The following POLK variants were observed in gnomAD, a reference collection of about 807,000 sequenced individuals.
The protein encoded by POLK is polymerase (DNA directed) kappa.
A neutral mutation model predicts 94.0 loss-of-function variants in POLK; 76 were observed. The ratio of observed to expected loss-of-function variants is 0.81; its 90% CI spans 0.67 to 0.98. POLK has a LOEUF of 0.98. Ranked by LOEUF, POLK falls within the 50% of genes least tolerant of loss-of-function variation. The pLI, the probability that POLK is intolerant of heterozygous loss-of-function variation, is 0.00. For synonymous variants in POLK, 349 were observed against 325.4 expected (o/e 1.07, Z -0.78); for missense variants, 954 against 1,010.1 (o/e 0.94, Z 0.75).
chr5:75,586,911 A>T, intron 9 of POLK, 115 bp from the exon 10 acceptor site: 2 of 692,452 alleles, frequency 2.9e-6, no homozygotes, highest in Non-Finnish European at 4.9e-6. Context: ...ATGATGTATA[A>T]ATTTTAATAA....
At chr5:75,517,711 G>T (rs1349792878) in intron 1 of POLK, among the ~76,000 whole-genome samples, 1 of 152,198 alleles carries the variant, frequency 6.6e-6, no homozygotes, top group Non-Finnish European at 1.5e-5. Context: ...TCCTTGTCTT[G>T]TTCCAGATCT....
intron 3 of POLK, among the ~76,000 whole-genome samples, 189 bp from the exon 4 acceptor site, chr5:75,569,151 A>C (rs1771446051): frequency 6.6e-6 from 1 of 152,174 alleles, no homozygotes; most frequent in Non-Finnish European, 1.5e-5. Flanking sequence ...ACCCATAAAC[A>C]CCCATGAACA....
intron 1 of POLK, among the ~76,000 whole-genome samples, chr5:75,529,945 T>C (rs1580934645): frequency 6.6e-6 from 1 of 152,330 alleles, no homozygotes; most frequent in African/African-American, 2.4e-5. Context: ...GCAGTAAATC[T>C]TAGTTGACTC....
At chr5:75,584,537 G>T (rs370383520) in intron 8 of POLK, among the ~76,000 whole-genome samples, 1 of 151,944 alleles carries the variant, frequency 6.6e-6, no homozygotes, top group East Asian at 1.9e-4. Flanking sequence ...GTATGGTGGC[G>T]CATGTCTGTA....
chr5:75,525,563 G>A (rs934798036), intron 1 of POLK, among the ~76,000 whole-genome samples: 4 of 152,132 alleles, frequency 2.6e-5, no homozygotes, highest in African/African-American at 9.7e-5. Flanking sequence ...GTAATAACAG[G>A]AGTAACAGGT....
chr5:75,606,687 C>T, the POLK span, among the ~76,000 whole-genome samples: 1 of 151,636 alleles, frequency 6.6e-6, no homozygotes, highest in East Asian at 2.0e-4. Flanking sequence ...CACAGAATCT[C>T]AAGGCAGAAG....
chr5:75,581,084 G>C, intron 6 of POLK, 125 bp from the exon 7 acceptor site: 1 of 625,720 alleles, frequency 1.6e-6, no homozygotes, highest in Non-Finnish European at 2.8e-6. Flanking sequence ...TTCTGATCTT[G>C]GATCCTAGAA....
At chr5:75,537,593 C>G (rs984747719) in intron 1 of POLK, among the ~76,000 whole-genome samples, 1 of 152,184 alleles carries the variant, frequency 6.6e-6, no homozygotes, top group Admixed American at 6.5e-5. Flanking sequence ...CATCTTGGCC[C>G]CCCTAACCTA....
intron 12 of POLK, 110 bp downstream of exon 12, chr5:75,594,159 T>G: frequency 1.4e-6 from 1 of 693,000 alleles, no homozygotes; most frequent in Non-Finnish European, 2.5e-6. Flanking sequence ...AACTTAATGA[T>G]TTTTCAACTT....
At chr5:75,597,890 G>A (rs769265435) in intron 14 of POLK, 44 bp from the exon 15 acceptor site, 1 of 1,189,916 alleles carries the variant, frequency 8.4e-7, no homozygotes, top group East Asian at 2.6e-5. Context: ...TTATTTTCTA[G>A]AATCTCTTCC....
intron 10 of POLK, 43 bp downstream of exon 10, chr5:75,587,101 TA>T: frequency 9.3e-7 from 1 of 1,072,570 alleles, no homozygotes. Context: ...TAATTCATGT[TA>T]TTTTAAACTA....
upstream of POLK, chr5:75,511,511 T>C: frequency 6.8e-7 from 1 of 1,475,594 alleles, no homozygotes; most frequent in Non-Finnish European, 9.0e-7. Flanking sequence ...GCCCCCTCGA[T>C]GCCAATTTCA....
chr5:75,587,205 A>C (rs1772520350), intron 10 of POLK, 147 bp downstream of exon 10: 1 of 527,602 alleles, frequency 1.9e-6, no homozygotes, highest in Non-Finnish European at 3.4e-6. Context: ...TCCCTGCAAT[A>C]AATGCCTTAG....
At chr5:75,573,677 A>G (rs997029668) in intron 4 of POLK, 61 bp from the exon 5 acceptor site, 12 of 1,318,898 alleles carry the variant, frequency 9.1e-6, no homozygotes, top group Non-Finnish European at 1.2e-5. Flanking sequence ...TTATGAATGC[A>G]TTGATCAATA....
At chr5:75,554,445 A>G (rs1770489209) in intron 3 of POLK, among the ~76,000 whole-genome samples, 1 of 151,984 alleles carries the variant, frequency 6.6e-6, no homozygotes, top group African/African-American at 2.4e-5. Flanking sequence ...AATCAAATCC[A>G]GTGACTTTTT....
At chr5:75,547,648 A>G (rs1770108041) in intron 2 of POLK, among the ~76,000 whole-genome samples, 1 of 152,226 alleles carries the variant, frequency 6.6e-6, no homozygotes, top group Admixed American at 6.5e-5. Flanking sequence ...ATAACTTTCT[A>G]TATGTGCAAG....
intron 3 of POLK, among the ~76,000 whole-genome samples, chr5:75,556,638 A>T: frequency 6.6e-6 from 1 of 151,232 alleles, no homozygotes; most frequent in Admixed American, 6.6e-5. Flanking sequence ...GGAATTTTAT[A>T]GTTTTGCATT....
intron 1 of POLK, among the ~76,000 whole-genome samples, chr5:75,529,007 A>G (rs115173773): frequency 0.033 from 5,073 of 152,294 alleles, 105 homozygotes; most frequent in Non-Finnish European, 0.047. Context: ...TAACCTTTAT[A>G]TAGTATTCCA....
chr5:75,511,867 C>A, exon 1 of POLK: 2 of 1,523,588 alleles, frequency 1.3e-6, no homozygotes, highest in South Asian at 2.4e-5. Context: ...GTTGGTCCGT[C>A]GCTCGCGCAG....
Sources: gnomAD v4.1 joint callset for allele counts (sites outside exome capture counted in the v4.1 genomes callset) on GRCh38, gnomAD v4.1.1 for gene constraint, MANE v1.5 for transcripts, NCBI Gene and HGNC (gene_info 2026-07-23, HGNC 2026-07-21) for gene names.